The following TARDBP variants were observed in gnomAD, a reference collection of about 807,000 sequenced individuals.
TARDBP encodes the protein TAR DNA-binding protein 43.
TARDBP carries 4 observed loss-of-function variants against 38.3 expected under a neutral mutation model. The ratio of observed to expected loss-of-function variants is 0.10; its 90% CI spans 0.05 to 0.24. TARDBP has a LOEUF of 0.24. Ranked by LOEUF, TARDBP falls within the 10% of genes least tolerant of loss-of-function variation. The probability of loss-of-function intolerance (pLI) is 1.00; values close to 1 mark genes in which losing one functional copy is unlikely to be tolerated. For missense variants in TARDBP, 202 were observed against 521.9 expected, an observed-to-expected ratio of 0.39 and a Z score of 5.97; for synonymous variants, 184 against 183.8, an observed-to-expected ratio of 1.00 and a Z score of -0.01.
At chr1:11,018,001 G>A (rs549162422) in intron 3 of TARDBP, among the ~76,000 whole-genome samples, 51 of 152,124 alleles carry the variant, frequency 3.4e-4, no homozygotes, top group African/African-American at 1.2e-3. Flanking sequence ...TCCTGCCTCA[G>A]CCTCCCAAGT....
chr1:11,019,990 A>G (rs538993946), intron 4 of TARDBP, among the ~76,000 whole-genome samples: 1 of 151,688 alleles, frequency 6.6e-6, no homozygotes, highest in South Asian at 2.1e-4. Flanking sequence ...CAGCCTCCCA[A>G]GATGCTGGGA....
intron 5 of TARDBP, among the ~76,000 whole-genome samples, chr1:11,021,319 T>C (rs968981094): frequency 2.0e-5 from 3 of 152,028 alleles, no homozygotes; most frequent in Non-Finnish European, 4.4e-5. Context: ...TTTTGTGCTT[T>C]TAGTAGAGAC....
At chr1:11,030,166 T>G (rs1269710586), downstream of TARDBP, 1 of 1,600,784 alleles carries the variant, frequency 6.2e-7, no homozygotes. Flanking sequence ...TGTATAAATG[T>G]ATCCATTACC....
downstream of TARDBP, chr1:11,027,042 C>A: frequency 6.3e-7 from 1 of 1,595,124 alleles, no homozygotes; most frequent in Non-Finnish European, 8.5e-7. Context: ...CACCAGTGCC[C>A]CTCCGCTGTC....
downstream of TARDBP, among the ~76,000 whole-genome samples, chr1:11,029,123 GCTGGGACTA>G (rs1017174740): frequency 1.5e-4 from 22 of 150,888 alleles, no homozygotes; most frequent in African/African-American, 4.9e-4. Context: ...CTCCCGAGTA[GCTGGGACTA>G]CAGGCGCCTG....
downstream of TARDBP, chr1:11,026,982 C>T: frequency 1.3e-6 from 2 of 1,587,884 alleles, no homozygotes; most frequent in Middle Eastern, 1.7e-4. Flanking sequence ...CATGGAACCC[C>T]AGGACACTAT....
In TARDBP at chr1:11,020,533, T is replaced by C. The variant is rs777735387; in HGVS notation, c.648T>C (p.Asp216=). ...ELREFFSQYG[D]VMDVFIPKPF... ...GGGAGTTCTTCTCTCAGTACGGGGA[T>C]GTGATGGATGTCTTCATCCCCAAGC... The change falls in exon 5 of 6, where the codon GAT becomes GAC. Residue 216 remains aspartate, a synonymous_variant. Coordinates refer to ENST00000240185, the MANE Select transcript of TARDBP (RefSeq NM_007375.4). 6.2e-7 allele frequency: 1 copy of C among 1,614,018 alleles called. No individual in the cohort carries two copies. The highest frequency in any genetic ancestry group is 1.1e-5 in the South Asian group (1 of 91,074).
intron 4 of TARDBP, among the ~76,000 whole-genome samples, chr1:11,019,455 A>G (rs952109620): frequency 4.6e-5 from 7 of 152,200 alleles, no homozygotes; most frequent in Non-Finnish European, 1.5e-5. Flanking sequence ...ATAGTCGCCT[A>G]CAGTGTTGAG....
intron 2 of TARDBP, among the ~76,000 whole-genome samples, chr1:11,015,125 ATG>A (rs1442244626): frequency 6.6e-6 from 1 of 151,928 alleles, no homozygotes; most frequent in African/African-American, 2.4e-5. Context: ...AAAATTGATA[ATG>A]TAAACTCGGG....
intron 2 of TARDBP, chr1:11,015,634 C>CA (rs1643506636): frequency 6.6e-6 from 1 of 150,464 alleles, no homozygotes; most frequent in African/African-American, 2.4e-5. Flanking sequence ...TGCGCCACTG[C>CA]ACTCCAGCCT....
At chr1:11,017,216 T>C (rs1388943136) in intron 3 of TARDBP, among the ~76,000 whole-genome samples, 4 of 151,142 alleles carry the variant, frequency 2.6e-5, no homozygotes, top group Non-Finnish European at 4.4e-5. Flanking sequence ...TTTTTTTTTT[T>C]TTTTGGAGAC....
rs1455734267 is a variant in TARDBP at position 11,024,256 on chromosome 1, T to G, written c.*1602T>G. 6.6e-6 allele frequency: 1 copy of G among 152,594 alleles called. No individual in the cohort carries two copies. Among genetic ancestry groups the G allele is most frequent in the African/African-American group, 2.4e-5 (1 of 41,422 alleles). The allele number at this position is 152,594 out of a possible 1,614,324, so 9.5% of individuals were successfully genotyped here. ...ACCCAGACTTAATTGGTATTTGTTC[T>G]TGCATTGGCCAAAGTGAAAATTTTT... On this transcript the variant is annotated 3_prime_UTR_variant, in exon 6 of 6. Transcript: ENST00000240185.
intron 4 of TARDBP, 151 bp downstream of exon 4, chr1:11,019,024 T>G (rs1643583519): frequency 2.2e-6 from 2 of 910,196 alleles, no homozygotes; most frequent in Non-Finnish European, 3.6e-6. Context: ...TAGTGCATGC[T>G]GAATATTTTA....
downstream of TARDBP, chr1:11,027,780 C>T (rs780218968): frequency 1.8e-4 from 145 of 821,390 alleles, 1 homozygote; most frequent in Non-Finnish European, 2.7e-4. Flanking sequence ...TGGGTGACTA[C>T]CTATACAGGC....
In TARDBP at chr1:11,023,214, A is replaced by T. The variant is rs1218479013; in HGVS notation, c.*560A>T. On this transcript the variant is annotated 3_prime_UTR_variant, in exon 6 of 6. Transcript: ENST00000240185. ...GCAGTTCATCTCATTTCAAATGTTT[A>T]TGGAAGAAGCACTTCATTGAAAGTA... 2.2e-5 allele frequency: 34 copies of T among 1,550,488 alleles called. No homozygotes were observed. The highest frequency in any genetic ancestry group is 2.7e-5 in the Non-Finnish European group (31 of 1,146,848).
At chr1:11,014,793 T>G (rs990716784) in intron 2 of TARDBP, among the ~76,000 whole-genome samples, 10 of 151,996 alleles carry the variant, frequency 6.6e-5, no homozygotes, top group Non-Finnish European at 1.0e-4. Flanking sequence ...ACAAAATCTC[T>G]GGATGTGGTG....
chr1:11,019,062 C>T (rs1233408116), intron 4 of TARDBP, 189 bp downstream of exon 4: 1 of 701,914 alleles, frequency 1.4e-6, no homozygotes, highest in Non-Finnish European at 2.4e-6. Flanking sequence ...TAGTTTATTA[C>T]TTCTCCAAAC....
At chr1:11,016,484 T>TTAAAA (rs1643527881) in intron 2 of TARDBP, among the ~76,000 whole-genome samples, 1 of 152,214 alleles carries the variant, frequency 6.6e-6, no homozygotes, top group Non-Finnish European at 1.5e-5. Flanking sequence ...TGTTGTTGAA[T>TTAAAA]GTTTAGGAAA....
chr1:11,021,526 C>T (rs147816756), intron 5 of TARDBP, among the ~76,000 whole-genome samples: 5,665 of 151,962 alleles, frequency 0.037, 345 homozygotes, highest in African/African-American at 0.13. Context: ...GATCCACCCC[C>T]CTCAGCCTCC....
Sources: allele counts gnomAD v4.1 joint callset (sites outside exome capture counted in the v4.1 genomes callset), GRCh38; gene constraint gnomAD v4.1.1; transcripts MANE v1.5; gene names NCBI Gene and HGNC (gene_info 2026-07-23, HGNC 2026-07-21).